Variants in FRMD4B observed in about 807,000 individuals in gnomAD.
FRMD4B encodes FERM domain-containing protein 4B.
A neutral mutation model predicts 141.5 loss-of-function variants in FRMD4B; 74 were observed. That is an observed-to-expected ratio of 0.52 (90% CI 0.43 to 0.63). FRMD4B has a LOEUF of 0.63. FRMD4B is among the 30% of genes least tolerant of loss of function. The probability of loss-of-function intolerance (pLI) is 0.00; values close to 1 mark genes in which losing one functional copy is unlikely to be tolerated. For missense variants in FRMD4B, 1,366 were observed against 1,253.4 expected (o/e 1.09, Z -1.36); for synonymous variants, 506 against 467.9 (o/e 1.08, Z -1.05).
At chr3:69,532,109 A>T (rs1356213526) in intron 1 of FRMD4B, among the ~76,000 whole-genome samples, 1 of 152,184 alleles carries the variant, frequency 6.6e-6, no homozygotes, top group African/African-American at 2.4e-5. Flanking sequence ...CATGGTTTTC[A>T]TTAGTTTGTC....
Position 69,343,687 on chromosome 3 carries a change from C to T in FRMD4B, c.163-30170G>A, listed in dbSNP as rs112264139. Among the ~76,000 whole-genome samples the T allele has an allele frequency of 6.3e-3, 949 of 150,116 alleles. 12 individuals are homozygous for T. Among genetic ancestry groups the T allele is most frequent in the African/African-American group, 0.023 (924 of 40,830 alleles). ...CTCCACCTCCCGGGTTCAAGTGATT[C>T]CCCTGCCTCAGCCTCCCAAGTAGCT... On this transcript the variant is annotated intron_variant, in intron 1 of 22. Coordinates refer to ENST00000398540, the MANE Select transcript of FRMD4B (RefSeq NM_015123.3).
intron 5 of FRMD4B, among the ~76,000 whole-genome samples, chr3:69,257,391 C>G (rs1156315434): frequency 1.2e-4 from 18 of 152,138 alleles, no homozygotes; most frequent in Non-Finnish European, 1.5e-5. Flanking sequence ...TCTGATTTTT[C>G]ATATCGATAT....
chr3:69,445,037 T>C (rs1406359731), intron 1 of FRMD4B, among the ~76,000 whole-genome samples: 1 of 151,998 alleles, frequency 6.6e-6, no homozygotes, highest in Admixed American at 6.6e-5. Flanking sequence ...TAGACAACCT[T>C]CCAAAAAGTC....
chr3:69,242,857 G>C (rs553353434), intron 7 of FRMD4B, among the ~76,000 whole-genome samples: 14 of 151,922 alleles, frequency 9.2e-5, no homozygotes, highest in African/African-American at 3.4e-4. Context: ...AGCCGGGCGT[G>C]GTGGTGGGCA....
chr3:69,385,980 C>T lies in FRMD4B; in HGVS notation c.10G>A (p.Val4Met), dbSNP rs200956950. Residue 4 changes from valine to methionine, a missense_variant, in exon 1 of 23, where the codon GTG becomes ATG. Val to Met is a conservative substitution (Grantham distance 21). Coordinates refer to ENST00000398540, the MANE Select transcript of FRMD4B (RefSeq NM_015123.3). ...AGGTCCTCCACGCCACACATGAACACCGAAGCCATGCCTCCTCCTTCGCTC... is the reference window on the plus strand; with the variant it reads ...AGGTCCTCCACGCCACACATGAACATCGAAGCCATGCCTCCTCCTTCGCTC... MASVFMCGVEDLLF... is the reference protein window; with the variant it reads MASMFMCGVEDLLF... 133 of 1,594,068 alleles carry T rather than the reference C, an allele frequency of 8.3e-5. No individual in the cohort carries two copies. The African/African-American group carries it at 1.4e-3, about 17-fold the overall frequency.
intron 1 of FRMD4B, among the ~76,000 whole-genome samples, chr3:69,483,270 A>G (rs1706160990): frequency 2.0e-5 from 3 of 152,218 alleles, no homozygotes; most frequent in African/African-American, 7.2e-5. Flanking sequence ...TTTAGGTGAG[A>G]AGAGTGTCTG....
intron 11 of FRMD4B, among the ~76,000 whole-genome samples, chr3:69,207,863 C>T (rs1442050429): frequency 6.6e-6 from 1 of 152,030 alleles, no homozygotes; most frequent in African/African-American, 2.4e-5. Flanking sequence ...GTCTGGCAGC[C>T]ACTTCCTTTT....
chr3:69,518,807 A>T (rs1289647923), intron 1 of FRMD4B, among the ~76,000 whole-genome samples: 1 of 152,218 alleles, frequency 6.6e-6, no homozygotes, highest in African/African-American at 2.4e-5. Flanking sequence ...TAGCAGGGAA[A>T]CAAGACCAGC....
intron 5 of FRMD4B, among the ~76,000 whole-genome samples, chr3:69,265,592 C>T (rs1317808985): frequency 2.7e-5 from 4 of 150,830 alleles, no homozygotes; most frequent in East Asian, 4.0e-4. Context: ...GGACTATAGG[C>T]GCCCACCACC....
At chr3:69,266,817 G>A (rs1226942652) in intron 5 of FRMD4B, among the ~76,000 whole-genome samples, 1 of 152,144 alleles carries the variant, frequency 6.6e-6, no homozygotes, top group Non-Finnish European at 1.5e-5. Context: ...TAAGAAACAG[G>A]ATAGTCAAGT....
upstream of FRMD4B, among the ~76,000 whole-genome samples, chr3:69,388,705 A>G (rs971400417): frequency 2.0e-5 from 3 of 152,180 alleles, no homozygotes; most frequent in South Asian, 6.2e-4. Context: ...AAATTAAGTA[A>G]AATATTCTGT....
At chr3:69,446,270 C>T (rs1367675024) in intron 1 of FRMD4B, among the ~76,000 whole-genome samples, 8 of 151,976 alleles carry the variant, frequency 5.3e-5, no homozygotes, top group African/African-American at 1.7e-4. Flanking sequence ...TAATGATCTG[C>T]CCACTTTAGC....
chr3:69,274,093 G>A (rs999291554), intron 5 of FRMD4B, among the ~76,000 whole-genome samples: 3 of 152,156 alleles, frequency 2.0e-5, no homozygotes, highest in African/African-American at 4.8e-5. Flanking sequence ...ATCAGGGAAG[G>A]AGGAGTTATT....
chr3:69,216,579 C>T (rs2093143084), intron 10 of FRMD4B, among the ~76,000 whole-genome samples: 1 of 151,802 alleles, frequency 6.6e-6, no homozygotes, highest in South Asian at 2.1e-4. Context: ...TACAGGTGTG[C>T]ACCACCATGC....
At chr3:69,485,231 C>A (rs373196174) in intron 1 of FRMD4B, among the ~76,000 whole-genome samples, 6 of 152,346 alleles carry the variant, frequency 3.9e-5, no homozygotes, top group African/African-American at 1.4e-4. Context: ...GCCCCAACTC[C>A]ACTCAGAGAT....
At chr3:69,283,111 C>T (rs952668059) in intron 5 of FRMD4B, among the ~76,000 whole-genome samples, 10 of 151,680 alleles carry the variant, frequency 6.6e-5, no homozygotes, top group African/African-American at 2.2e-4. Context: ...AGGCCAGGCG[C>T]TGTGGCTCAC....
At chr3:69,191,288 T>C (rs72930219) in intron 17 of FRMD4B, among the ~76,000 whole-genome samples, 9,006 of 152,084 alleles carry the variant, frequency 0.059, 679 homozygotes, top group East Asian at 0.32. Flanking sequence ...AGCATGGTGG[T>C]GTATGCCTGT....
chr3:69,369,481 G>C (rs537403267), intron 1 of FRMD4B, among the ~76,000 whole-genome samples: 19 of 152,182 alleles, frequency 1.2e-4, no homozygotes, highest in Non-Finnish European at 1.9e-4. Context: ...AAATTAAACT[G>C]ATGCAACTGT....
chr3:69,369,210 C>A (rs1703757430), intron 1 of FRMD4B, among the ~76,000 whole-genome samples: 1 of 152,164 alleles, frequency 6.6e-6, no homozygotes, highest in African/African-American at 2.4e-5. Context: ...GGAAAAACTT[C>A]AGATACACAG....
Sources: gnomAD v4.1 joint callset for allele counts (sites outside exome capture counted in the v4.1 genomes callset) on GRCh38, gnomAD v4.1.1 for gene constraint, MANE v1.5 for transcripts, NCBI Gene and HGNC (gene_info 2026-07-23, HGNC 2026-07-21) for gene names.